Variants in AP3M1 observed in about 807,000 individuals in gnomAD.
The protein encoded by AP3M1 is adaptor related protein complex 3 subunit mu 1.
Under a neutral mutation model 42.6 loss-of-function variants are expected in AP3M1, and 29 were observed. The observed-to-expected ratio is 0.68, with a 90% CI of 0.51 to 0.93. AP3M1 has a LOEUF of 0.93. Ranked by LOEUF, AP3M1 falls within the 40% of genes least tolerant of loss-of-function variation. The pLI, the probability that AP3M1 is intolerant of heterozygous loss-of-function variation, is 0.00. For synonymous variants in AP3M1, 178 were observed against 175.3 expected, an observed-to-expected ratio of 1.02 and a Z score of -0.12; for missense variants, 416 against 510.2, an observed-to-expected ratio of 0.82 and a Z score of 1.78.
At chr10:74,128,222 T>C (rs991801088) in intron 6 of AP3M1, among the ~76,000 whole-genome samples, 1 of 151,042 alleles carries the variant, frequency 6.6e-6, no homozygotes, top group African/African-American at 2.4e-5. Flanking sequence ...AAACTACCTA[T>C]AACTCCGATC....
intron 4 of AP3M1, among the ~76,000 whole-genome samples, chr10:74,132,522 C>T (rs1840810308): frequency 6.6e-6 from 1 of 151,746 alleles, no homozygotes; most frequent in African/African-American, 2.4e-5. Context: ...GAGACCCTGT[C>T]TGTACAAAAA....
At chr10:74,124,819 A>C (rs576483107) in intron 7 of AP3M1, among the ~76,000 whole-genome samples, 4 of 152,290 alleles carry the variant, frequency 2.6e-5, no homozygotes, top group Admixed American at 1.3e-4. Flanking sequence ...TTCTATTTAC[A>C]AATGAGGAAA....
chr10:74,126,253 C>T lies in AP3M1; in HGVS notation c.906G>A (p.Gly302=). Residue 302 remains glycine (G), a synonymous_variant, in exon 7 of 9, where the codon GGG becomes GGA. Coordinates refer to ENST00000355264, the MANE Select transcript of AP3M1 (RefSeq NM_012095.6). Reference sequence around the variant, plus strand: ...TCACTGTAATTCCTTCAATAGTTTTCCCCATATTCTGCTTTGGTCCAATTG... The same window carrying T: ...TCACTGTAATTCCTTCAATAGTTTTTCCCATATTCTGCTTTGGTCCAATTG... ...DITIGPKQNM[G]KTIEGITVTV... 1 of 1,614,158 alleles carries T rather than the reference C, an allele frequency of 6.2e-7. No individual in the cohort carries two copies. The highest frequency in any genetic ancestry group is 8.5e-7 in the Non-Finnish European group (1 of 1,180,028).
intron 1 of AP3M1, among the ~76,000 whole-genome samples, chr10:74,149,764 C>A (rs1841483987): frequency 6.6e-6 from 1 of 152,150 alleles, no homozygotes; most frequent in African/African-American, 2.4e-5. Flanking sequence ...CAAATAGTTG[C>A]TTGCTTCCTG....
intron 6 of AP3M1, 184 bp downstream of exon 6, chr10:74,128,924 T>G: frequency 1.3e-5 from 8 of 621,796 alleles, no homozygotes; most frequent in Non-Finnish European, 2.2e-5. Flanking sequence ...TCTACACTCA[T>G]ACATTCAAAG....
At chr10:74,143,162 C>T (rs925528446) in intron 1 of AP3M1, among the ~76,000 whole-genome samples, 8 of 152,190 alleles carry the variant, frequency 5.3e-5, no homozygotes, top group Non-Finnish European at 1.2e-4. Flanking sequence ...GCCATCCTGG[C>T]CAGCATGGCA....
chr10:74,122,375 G>A lies in AP3M1; in HGVS notation c.*1435C>T, dbSNP rs1011563336. ...ATTGAAAGAAGAATGGAGCCACAAA[G>A]AGAATAGCATAAATAACAAGAAGGA... On this transcript the variant is annotated 3_prime_UTR_variant, in exon 9 of 9. Transcript: ENST00000355264. 6.6e-6 allele frequency: 1 copy of A among 152,124 alleles called. No homozygotes were observed. Among genetic ancestry groups the A allele is most frequent in the Non-Finnish European group, 1.5e-5 (1 of 68,032 alleles). 9.4% of individuals were successfully genotyped at this position (152,124 alleles called of 1,614,324 possible).
intron 3 of AP3M1, 65 bp downstream of exon 3, chr10:74,136,567 G>T: frequency 7.9e-7 from 1 of 1,259,470 alleles, no homozygotes; most frequent in Non-Finnish European, 1.1e-6. Context: ...CAGATCATGA[G>T]CAATAATGAG....
intron 1 of AP3M1, among the ~76,000 whole-genome samples, chr10:74,146,061 TAG>T (rs1172726682): frequency 6.6e-6 from 1 of 152,138 alleles, no homozygotes; most frequent in African/African-American, 2.4e-5. Context: ...TCACAGCATT[TAG>T]AGATGAGCAG....
chr10:74,139,438 A>G (rs1432181971), intron 1 of AP3M1, among the ~76,000 whole-genome samples: 2 of 133,774 alleles, frequency 1.5e-5, no homozygotes, highest in Admixed American at 8.0e-5. Context: ...ACATAGTGAG[A>G]CCTCATCTCT....
At chr10:74,144,202 C>T (rs1393964531) in intron 1 of AP3M1, among the ~76,000 whole-genome samples, 14 of 152,162 alleles carry the variant, frequency 9.2e-5, no homozygotes, top group Admixed American at 9.2e-4. Flanking sequence ...ACCTCATGAT[C>T]CACCCGCCTC....
At position 74,136,615 on chromosome 10, in the gene AP3M1, G is replaced by A. The variant is rs370531144; in HGVS notation, c.445+17C>T. 1.2e-5 allele frequency: 18 copies of A among 1,513,000 alleles called. No individual in the cohort carries two copies. The highest frequency in any genetic ancestry group is 1.4e-5 in the Non-Finnish European group (16 of 1,114,256). The allele number at this position is 1,513,000 out of a possible 1,614,324, so 93.7% of individuals were successfully genotyped here. A position where few individuals can be genotyped will look rare whatever the true frequency, so the allele number is the denominator to read the frequency against. ...TTTTAATTGCTCAGTTACTAGCACAGTATGTTTTCATCTTACCTGTAATAG... is the reference window on the plus strand; with the variant it reads ...TTTTAATTGCTCAGTTACTAGCACAATATGTTTTCATCTTACCTGTAATAG... On this transcript the variant is annotated intron_variant, in intron 3 of 8. Coordinates refer to ENST00000355264, the MANE Select transcript of AP3M1 (RefSeq NM_012095.6).
chr10:74,130,023 A>C (rs1840735224), intron 4 of AP3M1, 31 bp from the exon 5 acceptor site: 1 of 1,350,082 alleles, frequency 7.4e-7, no homozygotes, highest in Non-Finnish European at 1.1e-6. Context: ...GGAAGATAAC[A>C]TCAATGGAAT....
chr10:74,140,152 C>T (rs548544226), intron 1 of AP3M1, among the ~76,000 whole-genome samples: 105 of 152,302 alleles, frequency 6.9e-4, no homozygotes, highest in African/African-American at 2.5e-3. Context: ...CTGGGAGGAG[C>T]CCTCGGTCCC....
intron 4 of AP3M1, among the ~76,000 whole-genome samples, chr10:74,130,930 G>A (rs12779974): frequency 6.6e-6 from 1 of 151,872 alleles, no homozygotes; most frequent in South Asian, 2.1e-4. Context: ...GGGCAACATG[G>A]CAAAACCCCG....
Position 74,134,161 on chromosome 10 carries a change from C to T in AP3M1, c.449G>A (p.Ser150Asn), listed in dbSNP as rs747979202. 5 of 1,613,586 alleles carry T rather than the reference C, an allele frequency of 3.1e-6. No homozygotes were observed. The highest frequency in any genetic ancestry group is 4.2e-6 in the Non-Finnish European group (5 of 1,179,768). Reference sequence around the variant, plus strand: ...GGGGAGTGTGTCCCCAACATTACTACTGCCTAGAAACCAAAAAAGGAGAAG... The same window carrying T: ...GGGGAGTGTGTCCCCAACATTACTATTGCCTAGAAACCAAAAAAGGAGAAG... ...LRSVVNSITG[S>N]SNVGDTLPTG... Residue 150 changes from serine (S) to asparagine (N), a missense_variant, in exon 4 of 9, where the codon AGT becomes AAT. Coordinates refer to ENST00000355264, the MANE Select transcript of AP3M1 (RefSeq NM_012095.6).
intron 1 of AP3M1, among the ~76,000 whole-genome samples, chr10:74,147,299 A>G (rs963929074): frequency 6.6e-6 from 1 of 152,186 alleles, no homozygotes; most frequent in African/African-American, 2.4e-5. Context: ...ACAACAAAAA[A>G]GAATTGAAAA....
At chr10:74,124,314 T>C in intron 8 of AP3M1, 66 bp downstream of exon 8, 1 of 1,545,252 alleles carries the variant, frequency 6.5e-7, no homozygotes, top group Non-Finnish European at 8.7e-7. Context: ...GTTACTCTTC[T>C]AAATGCCTAA....
At chr10:74,127,131 T>C (rs896908012) in intron 6 of AP3M1, among the ~76,000 whole-genome samples, 3 of 152,004 alleles carry the variant, frequency 2.0e-5, no homozygotes, top group Non-Finnish European at 4.4e-5. Context: ...AGGATGTGCA[T>C]AGGTTATATG....
Sources: allele counts gnomAD v4.1 joint callset (sites outside exome capture counted in the v4.1 genomes callset), GRCh38; gene constraint gnomAD v4.1.1; transcripts MANE v1.5; gene names NCBI Gene and HGNC (gene_info 2026-07-23, HGNC 2026-07-21).